FBXW7: variants seen among roughly 807,000 people sequenced by gnomAD.
The protein encoded by FBXW7 is F-box and WD repeat domain containing 7, also known as F-box/WD repeat-containing protein 7.
FBXW7 carries 11 observed loss-of-function variants against 86.3 expected under a neutral mutation model. That is an observed-to-expected ratio of 0.13 (90% CI 0.08 to 0.21). FBXW7 has a LOEUF of 0.21. Among genes scored for constraint, FBXW7 ranks in the 10% least tolerant of loss-of-function variants. FBXW7 has a pLI of 1.00. For missense variants in FBXW7, 488 were observed against 847.4 expected (o/e 0.58, Z 5.27); for synonymous variants, 313 against 297.9 (o/e 1.05, Z -0.52).
At chr4:152,370,565 A>G (rs1167324723) in intron 4 of FBXW7, among the ~76,000 whole-genome samples, 1 of 152,014 alleles carries the variant, frequency 6.6e-6, no homozygotes, top group Non-Finnish European at 1.5e-5. Context: ...TTTCAAGTTA[A>G]TTATATCAAA....
At chr4:152,336,903 G>A (rs936880601) in intron 7 of FBXW7, among the ~76,000 whole-genome samples, 2 of 151,816 alleles carry the variant, frequency 1.3e-5, no homozygotes, top group African/African-American at 2.4e-5. Flanking sequence ...ACTTTTTTCT[G>A]TTCAAATTTG....
intron 4 of FBXW7, among the ~76,000 whole-genome samples, chr4:152,386,119 A>G (rs374431635): frequency 1.6e-4 from 25 of 152,122 alleles, no homozygotes; most frequent in East Asian, 7.7e-4. Flanking sequence ...AAGAAAAGAT[A>G]AAGTCTGAGT....
intron 2 of FBXW7, among the ~76,000 whole-genome samples, chr4:152,503,221 T>C (rs1484168206): frequency 6.6e-6 from 1 of 152,186 alleles, no homozygotes; most frequent in Non-Finnish European, 1.5e-5. Context: ...TGTGAAAAAT[T>C]ACTATTTCCC....
chr4:152,410,329 G>A (rs999420349), intron 4 of FBXW7, among the ~76,000 whole-genome samples: 1 of 152,174 alleles, frequency 6.6e-6, no homozygotes, highest in Non-Finnish European at 1.5e-5. Flanking sequence ...AAAGGTCTGA[G>A]CCTTAACAAA....
intron 2 of FBXW7, among the ~76,000 whole-genome samples, chr4:152,419,043 T>TATC (rs1045843072): frequency 1.4e-4 from 21 of 152,286 alleles, no homozygotes; most frequent in Admixed American, 1.2e-3. Flanking sequence ...AGCCTGACCA[T>TATC]ATCACCGAGT....
At chr4:152,530,758 G>C (rs1749956023) in intron 2 of FBXW7, 1 of 152,206 alleles carries the variant, frequency 6.6e-6, no homozygotes, top group African/African-American at 2.4e-5. Context: ...TTTGGCAGTT[G>C]TCTATACCAG....
At chr4:152,372,916 C>T (rs1021129656) in intron 4 of FBXW7, among the ~76,000 whole-genome samples, 3 of 151,892 alleles carry the variant, frequency 2.0e-5, no homozygotes, top group Admixed American at 2.0e-4. Flanking sequence ...AGGGCACAAC[C>T]CAATACTAAA....
intron 7 of FBXW7, 94 bp from the exon 8 acceptor site, chr4:152,332,813 TA>T: frequency 1.7e-6 from 1 of 581,988 alleles, no homozygotes; most frequent in Non-Finnish European, 2.3e-6. Context: ...AGATACTTGA[TA>T]AATATAATTC....
chr4:152,487,771 C>A (rs1745477098), intron 2 of FBXW7, among the ~76,000 whole-genome samples: 1 of 151,934 alleles, frequency 6.6e-6, no homozygotes, highest in Non-Finnish European at 1.5e-5. Flanking sequence ...TTTGAAGTAT[C>A]ATTTAAAATT....
intron 2 of FBXW7, among the ~76,000 whole-genome samples, chr4:152,507,050 T>C (rs1214453276): frequency 6.6e-6 from 1 of 152,218 alleles, no homozygotes; most frequent in East Asian, 1.9e-4. Flanking sequence ...TGTTTCCCTT[T>C]TCCAACCATC....
rs988428685 is a variant in FBXW7, at chr4:152,321,130, G to T, written c.*1751C>A. The T allele has an allele frequency of 5.0e-6, 1 of 198,768 alleles. No individual in the cohort carries two copies. Among genetic ancestry groups the T allele is most frequent in the Non-Finnish European group, 1.0e-5 (1 of 96,150 alleles). The allele number at this position is 198,768 out of a possible 1,614,324, so 12.3% of individuals were successfully genotyped here. A position where few individuals can be genotyped will look rare whatever the true frequency, so the allele number is the denominator to read the frequency against. ...TACTTTCGCGGTATAAAACAGGCTT[G>T]AAGTATTGATTTCTATGTCACACAG... On this transcript the variant is annotated 3_prime_UTR_variant, in exon 14 of 14. Transcript: ENST00000281708.
chr4:152,534,296 CT>C (rs888917631), intron 2 of FBXW7, among the ~76,000 whole-genome samples: 4 of 151,548 alleles, frequency 2.6e-5, no homozygotes, highest in African/African-American at 9.7e-5. Context: ...AAAATCACAA[CT>C]TTTATAAAAT....
At chr4:152,430,862 CATTAT>C (rs912170891) in intron 2 of FBXW7, among the ~76,000 whole-genome samples, 1 of 152,150 alleles carries the variant, frequency 6.6e-6, no homozygotes, top group Non-Finnish European at 1.5e-5. Flanking sequence ...ACAGCAACTA[CATTAT>C]ATTTATTTTT....
chr4:152,333,659 G>A (rs1277719914), intron 7 of FBXW7, among the ~76,000 whole-genome samples: 1 of 151,806 alleles, frequency 6.6e-6, no homozygotes, highest in Non-Finnish European at 1.5e-5. Flanking sequence ...AAGGGTCAAG[G>A]GTCACACAGG....
At chr4:152,382,658 G>A (rs1227733120) in intron 4 of FBXW7, 6 of 211,958 alleles carry the variant, frequency 2.8e-5, no homozygotes, top group Non-Finnish European at 5.4e-5. Flanking sequence ...GGGCTGTGCT[G>A]TAAGGTCCCT....
chr4:152,493,393 G>A (rs936525425), intron 2 of FBXW7, among the ~76,000 whole-genome samples: 1 of 152,068 alleles, frequency 6.6e-6, no homozygotes, highest in African/African-American at 2.4e-5. Flanking sequence ...TCGAACTCCT[G>A]ACCTCAGGTG....
chr4:152,520,190 T>C (rs1049009705), intron 2 of FBXW7, among the ~76,000 whole-genome samples: 12 of 151,928 alleles, frequency 7.9e-5, no homozygotes, highest in Admixed American at 4.6e-4. Flanking sequence ...TCCCAGCACT[T>C]TGGGAGGCCG....
chr4:152,382,889 A>C (rs1043160851), intron 4 of FBXW7, among the ~76,000 whole-genome samples: 29 of 152,122 alleles, frequency 1.9e-4, no homozygotes, highest in African/African-American at 6.0e-4. Flanking sequence ...GTTTAAAAAA[A>C]ACACACACAC....
At chr4:152,528,716 T>C (rs1749750762) in intron 2 of FBXW7, among the ~76,000 whole-genome samples, 1 of 152,138 alleles carries the variant, frequency 6.6e-6, no homozygotes, top group South Asian at 2.1e-4. Flanking sequence ...TTTGAGAAAA[T>C]ACATTCCATT....
Sources: gnomAD v4.1 joint callset for allele counts (sites outside exome capture counted in the v4.1 genomes callset) on GRCh38, gnomAD v4.1.1 for gene constraint, MANE v1.5 for transcripts, NCBI Gene and HGNC (gene_info 2026-07-23, HGNC 2026-07-21) for gene names.